Variants in WDR75 observed in about 807,000 individuals in gnomAD.
The protein encoded by WDR75 is WD repeat-containing protein 75.
A neutral mutation model predicts 106.1 loss-of-function variants in WDR75; 52 were observed. That is an observed-to-expected ratio of 0.49 (90% CI 0.39 to 0.62). The LOEUF (loss-of-function observed/expected upper bound fraction) is 0.62, where lower values mean the gene tolerates loss of function less well. WDR75 is among the 20% of genes least tolerant of loss of function. The pLI is 0.00. For missense variants in WDR75, 905 were observed against 970.3 expected (o/e 0.93, Z 0.89); for synonymous variants, 333 against 335.5 (o/e 0.99, Z 0.08).
chr2:189,453,933 A>G (rs1686679698), intron 4 of WDR75, among the ~76,000 whole-genome samples: 1 of 152,162 alleles, frequency 6.6e-6, no homozygotes, highest in Non-Finnish European at 1.5e-5. Context: ...GTTATTTTTG[A>G]TGGTATTATT....
At chr2:189,442,302 G>A (rs1326981171) in intron 1 of WDR75, among the ~76,000 whole-genome samples, 1 of 152,100 alleles carries the variant, frequency 6.6e-6, no homozygotes, top group Non-Finnish European at 1.5e-5. Flanking sequence ...CTCAATGTAT[G>A]TAGCTGTAAT....
rs1243337001 is a variant in WDR75 at position 189,450,955 on chromosome 2, G to A, written c.269G>A (p.Gly90Asp). 1 of 1,607,814 alleles carries A rather than the reference G, an allele frequency of 6.2e-7. No homozygotes were observed. The highest frequency in any genetic ancestry group is 2.2e-5 in the East Asian group (1 of 44,518). ...ATTAAACTGTGGGACTATATAGATG[G>A]CATCTTAATAAAGGTATGTGGATTG... ...GTIKLWDYID[G>D]ILIKTFIVGC... The change falls in exon 3 of 21, where the codon GGC becomes GAC. Residue 90 changes from glycine (G) to aspartate (D), a missense_variant. By Grantham distance (94) the Gly-to-Asp change is moderately conservative. Transcript: ENST00000314761.
intron 17 of WDR75, 83 bp from the exon 18 acceptor site, chr2:189,470,736 C>T (rs985540156): frequency 1.9e-6 from 2 of 1,025,830 alleles, no homozygotes; most frequent in Admixed American, 7.0e-5. Flanking sequence ...ATTTGACCTT[C>T]TCATTTTTTA....
At chr2:189,452,085 G>C in intron 4 of WDR75, 190 bp downstream of exon 4, 1 of 504,758 alleles carries the variant, frequency 2.0e-6, no homozygotes, top group Non-Finnish European at 3.5e-6. Context: ...GTGAGGGAGG[G>C]ATTATTTTTT....
At chr2:189,452,226 T>C (rs1249381904) in intron 4 of WDR75, among the ~76,000 whole-genome samples, 1 of 152,160 alleles carries the variant, frequency 6.6e-6, no homozygotes, top group African/African-American at 2.4e-5. Flanking sequence ...CATTGAACAC[T>C]TCTCACTTTC....
chr2:189,468,478 C>T lies in WDR75; in HGVS notation c.1632C>T (p.His544=), dbSNP rs573406505. 6 of 1,613,208 alleles carry T rather than the reference C, an allele frequency of 3.7e-6. No homozygotes were observed. The South Asian group carries it at 6.6e-5, about 18-fold the overall frequency. The change falls in exon 15 of 21, where the codon CAC becomes CAT. Residue 544 remains histidine (H), a synonymous_variant. Transcript: ENST00000314761. ...CTTCCTTGTGGTTTTAATCTAGGCA[C>T]CTTTGCTTTGGGAGATTGACGTGTT... is the stretch of plus-strand genomic sequence containing the variant. ...TFCQRAGKIR[H]LCFGRLTCSK...
chr2:189,462,579 A>T lies in WDR75; in HGVS notation c.874A>T (p.Thr292Ser), dbSNP rs1176824681. The T allele has an allele frequency of 6.2e-7, 1 of 1,614,088 alleles. No individual in the cohort carries two copies. The change falls in exon 9 of 21, where the codon ACT becomes TCT. Residue 292 changes from threonine to serine, a missense_variant. By Grantham distance (58) the Thr-to-Ser change is moderately conservative. Coordinates refer to ENST00000314761, the MANE Select transcript of WDR75 (RefSeq NM_032168.3). ...GGAGTTTCTCCCGCGTTTAGGAGCT[A>T]CTATTGAACATATCTCAGTCTCGCC... is the stretch of plus-strand genomic sequence containing the variant. ...NKEFLPRLGA[T>S]IEHISVSPAG...
chr2:189,467,757 T>C, intron 14 of WDR75, 109 bp downstream of exon 14: 1 of 1,040,222 alleles, frequency 9.6e-7, no homozygotes, highest in Non-Finnish European at 1.3e-6. Flanking sequence ...TGAAGGTCAG[T>C]GGGGCAAGCA....
chr2:189,470,147 T>G lies in WDR75; in HGVS notation c.1891T>G (p.Trp631Gly). The G allele has an allele frequency of 6.2e-7, 1 of 1,613,618 alleles. No homozygotes were observed. The highest frequency in any genetic ancestry group is 8.5e-7 in the Non-Finnish European group (1 of 1,179,628). The change falls in exon 17 of 21, where the codon TGG becomes GGG. Residue 631 changes from tryptophan (W) to glycine (G), a missense_variant. Transcript: ENST00000314761. ...QKGISREKVQWGVFVPRDVPE... is the reference protein window; with the variant it reads ...QKGISREKVQGGVFVPRDVPE... ...GGGTATCTCCAGAGAGAAAGTCCAGTGGGGAGTGTTTGTTCCACGAGATGT... is the reference window on the plus strand; with the variant it reads ...GGGTATCTCCAGAGAGAAAGTCCAGGGGGGAGTGTTTGTTCCACGAGATGT...
intron 8 of WDR75, among the ~76,000 whole-genome samples, chr2:189,460,913 G>A (rs558442862): frequency 3.3e-5 from 5 of 151,932 alleles, no homozygotes; most frequent in Non-Finnish European, 7.4e-5. Context: ...TGACTGTGTG[G>A]GTATGAGTTA....
chr2:189,468,199 C>T (rs764414822), intron 14 of WDR75, among the ~76,000 whole-genome samples: 2 of 152,044 alleles, frequency 1.3e-5, no homozygotes, highest in East Asian at 3.9e-4. Context: ...GATGACTGTA[C>T]GTTTCATGTA....
At chr2:189,452,026 CATT>C (rs1407502943) in intron 4 of WDR75, 131 bp downstream of exon 4, 13 of 642,074 alleles carry the variant, frequency 2.0e-5, no homozygotes, top group Non-Finnish European at 3.4e-5. Context: ...TTGCTTTTGT[CATT>C]ATTGTGCTCA....
Position 189,451,910 on chromosome 2 carries a change from A to G in WDR75, c.373+15A>G. 2 of 1,592,286 alleles carry G rather than the reference A, an allele frequency of 1.3e-6. No homozygotes were observed. Among genetic ancestry groups the G allele is most frequent in the Non-Finnish European group, 1.7e-6 (2 of 1,161,912 alleles). On this transcript the variant is annotated intron_variant, in intron 4 of 20. Coordinates refer to ENST00000314761, the MANE Select transcript of WDR75 (RefSeq NM_032168.3). ...AGAAAAACCAGGTATGGTATAATTA[A>G]CTTACTATATATGGCATTGAGTGGC... is the stretch of plus-strand genomic sequence containing the variant.
intron 18 of WDR75, among the ~76,000 whole-genome samples, chr2:189,473,829 A>C (rs539000387): frequency 2.2e-4 from 34 of 152,206 alleles, no homozygotes; most frequent in Non-Finnish European, 3.8e-4. Flanking sequence ...ACCATCCTTC[A>C]GCCTGCTCTC....
chr2:189,467,133 G>A (rs1007597298), intron 13 of WDR75, among the ~76,000 whole-genome samples: 1 of 151,864 alleles, frequency 6.6e-6, no homozygotes, highest in Non-Finnish European at 1.5e-5. Flanking sequence ...AGATAGTACC[G>A]AACCCTGTAT....
chr2:189,449,675 G>A (rs1686575447), intron 2 of WDR75: 1 of 994,700 alleles, frequency 1.0e-6, no homozygotes, highest in Non-Finnish European at 1.2e-6. Context: ...CAGTGTTTGT[G>A]TATTAACCAT....
intron 1 of WDR75, among the ~76,000 whole-genome samples, 160 bp from the exon 2 acceptor site, chr2:189,448,219 C>T (rs1243295740): frequency 6.6e-6 from 1 of 152,136 alleles, no homozygotes; most frequent in African/African-American, 2.4e-5. Flanking sequence ...GTGCTAGGCT[C>T]CCACCTGTAA....
chr2:189,471,994 G>C (rs114728125), intron 18 of WDR75, among the ~76,000 whole-genome samples: 1 of 152,012 alleles, frequency 6.6e-6, no homozygotes, highest in African/African-American at 2.4e-5. Context: ...TACCATTCTT[G>C]TTCTTGTTCC....
At chr2:189,442,424 T>C (rs2106107377) in intron 1 of WDR75, among the ~76,000 whole-genome samples, 1 of 149,868 alleles carries the variant, frequency 6.7e-6, no homozygotes, top group African/African-American at 2.4e-5. Flanking sequence ...TATGAAAGTT[T>C]GTAGCCTCCA....
Sources: gnomAD v4.1 joint callset for allele counts (sites outside exome capture counted in the v4.1 genomes callset) on GRCh38, gnomAD v4.1.1 for gene constraint, MANE v1.5 for transcripts, NCBI Gene and HGNC (gene_info 2026-07-23, HGNC 2026-07-21) for gene names.